YTHDC2: variants seen among roughly 807,000 people sequenced by gnomAD.
The protein encoded by YTHDC2 is 3'-5' RNA helicase YTHDC2.
Under a neutral mutation model 174.9 loss-of-function variants are expected in YTHDC2, and 45 were observed. The ratio of observed to expected loss-of-function variants is 0.26; its 90% CI spans 0.20 to 0.33. YTHDC2 has a LOEUF of 0.33. Ranked by LOEUF, YTHDC2 falls within the 10% of genes least tolerant of loss-of-function variation. The pLI is 1.00. For synonymous variants in YTHDC2, 657 were observed against 574.5 expected (o/e 1.14, Z -2.05); for missense variants, 1,650 against 1,723.7 (o/e 0.96, Z 0.76).
In YTHDC2 at chr5:113,592,190, C is replaced by G. The variant is rs776396914; in HGVS notation, c.4212+12C>G. 2 of 1,479,786 alleles carry G rather than the reference C, an allele frequency of 1.4e-6. No individual in the cohort carries two copies. Among genetic ancestry groups the G allele is most frequent in the Admixed American group, 2.4e-5 (1 of 41,804 alleles). 91.7% of individuals were successfully genotyped at this position (1,479,786 alleles called of 1,614,324 possible). ...GCAGGGATGGGCAGGTATACAATGG[C>G]ATTTTTTTTTTTATTTACTTTTGTT... On this transcript the variant is annotated intron_variant, in intron 28 of 29. Coordinates refer to ENST00000161863, the MANE Select transcript of YTHDC2 (RefSeq NM_022828.5).
At chr5:113,514,324 A>G in intron 1 of YTHDC2, 1 of 690,484 alleles carries the variant, frequency 1.4e-6, no homozygotes, top group Non-Finnish European at 2.6e-6. Context: ...CCTAGCTGAA[A>G]GTGTTTTTCC....
intron 7 of YTHDC2, 37 bp from the exon 8 acceptor site, chr5:113,539,037 A>G (rs748755963): frequency 4.9e-6 from 5 of 1,024,176 alleles, no homozygotes; most frequent in South Asian, 1.8e-5. Context: ...TTTCTCCAAG[A>G]TGCAAGTTGA....
intron 4 of YTHDC2, among the ~76,000 whole-genome samples, chr5:113,531,315 A>G (rs1163471808): frequency 6.6e-6 from 1 of 152,172 alleles, no homozygotes; most frequent in Non-Finnish European, 1.5e-5. Flanking sequence ...ACTCACAGAC[A>G]CTGAGGAAGG....
rs1381247971 is a variant in YTHDC2 at position 113,515,348 on chromosome 5, C to G, written c.264C>G (p.Val88=). The G allele has an allele frequency of 1.2e-6, 2 of 1,611,796 alleles. No individual in the cohort carries two copies. The highest frequency in any genetic ancestry group is 1.8e-4 in the Middle Eastern group (1 of 5,652). ...GACTCAGTCAGTCTCTTGGTTTGGT[C>G]TCTAAAAGTAAAGGGTAAGCTGGTA... The part of the protein sequence containing the change: ...IHRLSQSLGL[V]SKSKGKGANR... The change falls in exon 2 of 30, where the codon GTC becomes GTG. Residue 88 remains valine (V), a synonymous_variant. Coordinates refer to ENST00000161863, the MANE Select transcript of YTHDC2 (RefSeq NM_022828.5).
At chr5:113,563,697 T>G (rs185398136) in intron 19 of YTHDC2, among the ~76,000 whole-genome samples, 162 bp from the exon 20 acceptor site, 6 of 152,340 alleles carry the variant, frequency 3.9e-5, no homozygotes, top group African/African-American at 1.4e-4. Context: ...AAACAGTAGA[T>G]ATAGTTCTTT....
chr5:113,529,794 A>C (rs892184189), intron 4 of YTHDC2, among the ~76,000 whole-genome samples: 2 of 151,774 alleles, frequency 1.3e-5, no homozygotes. Flanking sequence ...TTTTTTGTTT[A>C]CTTTTTACCT....
At chr5:113,527,947 C>T (rs1424162041) in intron 4 of YTHDC2, among the ~76,000 whole-genome samples, 5 of 152,242 alleles carry the variant, frequency 3.3e-5, no homozygotes, top group African/African-American at 9.6e-5. Flanking sequence ...CCCGCCACCA[C>T]GCCTGACCCA....
Position 113,513,781 on chromosome 5 carries a change from A to G in YTHDC2, c.-115A>G, listed in dbSNP as rs929774. 276,776 of 1,219,956 alleles carry G rather than the reference A, an allele frequency of 0.23. 36,665 individuals carry two copies. Among genetic ancestry groups the G allele is most frequent in the African/African-American group, 0.56 (35,319 of 62,514 alleles). The allele number at this position is 1,219,956 out of a possible 1,614,324, so 75.6% of individuals were successfully genotyped here. A position where few individuals can be genotyped will look rare whatever the true frequency, so the allele number is the denominator to read the frequency against. Reference sequence around the variant, plus strand: ...GCCTTTCTGGTGACCTCAGCCCAACACAGGCCGTCTCCGGAGCTTCCCGGT... The same window carrying G: ...GCCTTTCTGGTGACCTCAGCCCAACGCAGGCCGTCTCCGGAGCTTCCCGGT... On this transcript the variant is annotated 5_prime_UTR_variant, in exon 1 of 30. Transcript: ENST00000161863.
chr5:113,518,556 C>CGT (rs67062871), intron 2 of YTHDC2, among the ~76,000 whole-genome samples: 3,777 of 144,452 alleles, frequency 0.026, 64 homozygotes, highest in African/African-American at 0.03. Context: ...AGTTAGTTTT[C>CGT]GTGTGTGTGT....
chr5:113,548,293 A>G (rs1023864126), intron 10 of YTHDC2, among the ~76,000 whole-genome samples: 1 of 152,204 alleles, frequency 6.6e-6, no homozygotes, highest in South Asian at 2.1e-4. Context: ...AAACAGTTTA[A>G]CATCGATCTT....
At chr5:113,577,580 G>T (rs900280005) in intron 23 of YTHDC2, among the ~76,000 whole-genome samples, 6 of 152,170 alleles carry the variant, frequency 3.9e-5, no homozygotes, top group African/African-American at 4.8e-5. Context: ...ATGTTGCCCA[G>T]GCTGGTCTCA....
chr5:113,514,252 G>T (rs1185359467), intron 1 of YTHDC2, 170 bp downstream of exon 1: 1 of 812,728 alleles, frequency 1.2e-6, no homozygotes, highest in Non-Finnish European at 2.1e-6. Flanking sequence ...GAACGCGGCT[G>T]TTGGCCCTGC....
intron 10 of YTHDC2, among the ~76,000 whole-genome samples, chr5:113,546,521 G>A (rs1285297429): frequency 6.6e-6 from 1 of 152,170 alleles, no homozygotes; most frequent in Non-Finnish European, 1.5e-5. Context: ...GAAACTCTGG[G>A]CTTCATAGAT....
intron 4 of YTHDC2, among the ~76,000 whole-genome samples, chr5:113,528,633 C>T (rs1432568907): frequency 6.6e-6 from 1 of 152,082 alleles, no homozygotes; most frequent in Non-Finnish European, 1.5e-5. Context: ...CTCTGCCTCC[C>T]AAGTAGCTAG....
At chr5:113,580,810 T>A (rs1358111529) in intron 24 of YTHDC2, among the ~76,000 whole-genome samples, 1 of 152,220 alleles carries the variant, frequency 6.6e-6, no homozygotes, top group African/African-American at 2.4e-5. Context: ...TCTTTGTCAC[T>A]AGTTACTGTA....
chr5:113,526,515 A>T, intron 3 of YTHDC2, 71 bp from the exon 4 acceptor site: 1 of 1,340,224 alleles, frequency 7.5e-7, no homozygotes, highest in South Asian at 1.6e-5. Context: ...TGGCAAAAAA[A>T]ATTACTTATT....
In YTHDC2 at chr5:113,546,108, T is replaced by C. The variant is rs557981148; in HGVS notation, c.1496-2433T>C. 2.6e-5 allele frequency among the ~76,000 whole-genome samples: 4 copies of C among 152,282 alleles called. No individual in the cohort carries two copies. The East Asian group carries it at 7.7e-4, about 29-fold the overall frequency. On this transcript the variant is annotated intron_variant, in intron 10 of 29. Transcript: ENST00000161863. ...GATATTTGTTCATCTGCAGTTTTCT[T>C]GCGTTCTTTCTTTTTCCATTATTTT... is the stretch of plus-strand genomic sequence containing the variant.
Position 113,532,286 on chromosome 5 carries a change from G to A in YTHDC2, c.676-593G>A, listed in dbSNP as rs138893478. ...GGTTGTGTAAAACTTTTTTTTTCTTGAAAGATTTCATAAGTAACAGTAGTT... is the reference window on the plus strand; with the variant it reads ...GGTTGTGTAAAACTTTTTTTTTCTTAAAAGATTTCATAAGTAACAGTAGTT... On this transcript the variant is annotated intron_variant, in intron 4 of 29. Transcript: ENST00000161863. Among the ~76,000 whole-genome samples, 974 of 151,870 alleles carry A rather than the reference G, an allele frequency of 6.4e-3. 6 individuals carry two copies. The highest frequency in any genetic ancestry group is 0.022 in the African/African-American group (907 of 41,428).
intron 24 of YTHDC2, 159 bp downstream of exon 24, chr5:113,579,854 T>C (rs1778291366): frequency 1.0e-6 from 1 of 985,332 alleles, no homozygotes; most frequent in Non-Finnish European, 1.2e-6. Context: ...TTCTCTTCTG[T>C]ATTGGGGTTT....
Sources: allele counts gnomAD v4.1 joint callset (sites outside exome capture counted in the v4.1 genomes callset), GRCh38; gene constraint gnomAD v4.1.1; transcripts MANE v1.5; gene names NCBI Gene and HGNC (gene_info 2026-07-23, HGNC 2026-07-21).